Variants in FRMPD1 observed in about 807,000 individuals in gnomAD.
FRMPD1 encodes the protein FERM and PDZ domain containing 1.
Under a neutral mutation model 117.8 loss-of-function variants are expected in FRMPD1, and 76 were observed. The ratio of observed to expected loss-of-function variants is 0.65; its 90% CI spans 0.54 to 0.78. The LOEUF (loss-of-function observed/expected upper bound fraction) is 0.78. Ranked by LOEUF, FRMPD1 falls within the 30% of genes least tolerant of loss-of-function variation. The probability of loss-of-function intolerance (pLI) is 0.00; values close to 1 mark genes in which losing one functional copy is unlikely to be tolerated. For missense variants in FRMPD1, 1,786 were observed against 1,964.5 expected, an observed-to-expected ratio of 0.91 and a Z score of 1.72; for synonymous variants, 783 against 770.4, an observed-to-expected ratio of 1.02 and a Z score of -0.27.
chr9:37,652,885 A>G (rs1391051667), intron 1 of FRMPD1, among the ~76,000 whole-genome samples: 2 of 152,192 alleles, frequency 1.3e-5, no homozygotes, highest in Admixed American at 6.5e-5. Context: ...TCCTGTGAAC[A>G]CTAAGGAGGG....
At chr9:37,638,269 C>T in the FRMPD1 span, among the ~76,000 whole-genome samples, 2 of 152,000 alleles carry the variant, frequency 1.3e-5, no homozygotes, top group Non-Finnish European at 2.9e-5. Flanking sequence ...AGACAGGTTT[C>T]ACCATGTTGG....
At chr9:37,646,037 C>A (rs539054606), upstream of FRMPD1, among the ~76,000 whole-genome samples, 1 of 152,142 alleles carries the variant, frequency 6.6e-6, no homozygotes, top group African/African-American at 2.4e-5. Context: ...GGGTCTAGAA[C>A]GCTAGGGCAC....
intron 9 of FRMPD1, among the ~76,000 whole-genome samples, chr9:37,731,804 T>C (rs901809166): frequency 4.0e-5 from 6 of 151,104 alleles, no homozygotes; most frequent in Middle Eastern, 3.2e-3. Flanking sequence ...ACCTTGGAGG[T>C]GGTGTTTGCA....
intron 2 of FRMPD1, among the ~76,000 whole-genome samples, chr9:37,694,119 G>A (rs1822241508): frequency 6.6e-6 from 1 of 152,156 alleles, no homozygotes; most frequent in Admixed American, 6.5e-5. Flanking sequence ...GGTAGTGCCT[G>A]ATGAATGAAT....
At chr9:37,692,499 T>C (rs1822173788) in intron 1 of FRMPD1, 139 bp from the exon 2 acceptor site, 1 of 658,248 alleles carries the variant, frequency 1.5e-6, no homozygotes, top group Non-Finnish European at 2.7e-6. Flanking sequence ...TTTATGTTGA[T>C]TTTAGACTAA....
chr9:37,686,590 G>A (rs930948169), intron 1 of FRMPD1, among the ~76,000 whole-genome samples: 1 of 152,164 alleles, frequency 6.6e-6, no homozygotes. Context: ...GTTGATGTAG[G>A]CATTTGTTTA....
the FRMPD1 span, among the ~76,000 whole-genome samples, chr9:37,620,030 A>C: frequency 4.6e-5 from 7 of 152,102 alleles, no homozygotes; most frequent in Non-Finnish European, 7.4e-5. Context: ...GGCAGTTGGC[A>C]GCTGCATTCC....
the FRMPD1 span, among the ~76,000 whole-genome samples, chr9:37,640,405 T>A: frequency 2.0e-5 from 3 of 152,224 alleles, no homozygotes; most frequent in Non-Finnish European, 4.4e-5. Flanking sequence ...GGGCACAGAC[T>A]GAAATTCCCT....
At chr9:37,619,706 C>T in the FRMPD1 span, among the ~76,000 whole-genome samples, 4 of 150,354 alleles carry the variant, frequency 2.7e-5, no homozygotes, top group South Asian at 2.1e-4. Flanking sequence ...TGTGGTGAGC[C>T]GAGATTGTGC....
At chr9:37,676,708 C>T (rs922084376) in intron 1 of FRMPD1, among the ~76,000 whole-genome samples, 69 of 152,260 alleles carry the variant, frequency 4.5e-4, no homozygotes, top group African/African-American at 1.4e-3. Flanking sequence ...GATTGGCAGG[C>T]GGCATCTGGC....
At chr9:37,636,631 C>T in the FRMPD1 span, 1 of 1,287,502 alleles carries the variant, frequency 7.8e-7, no homozygotes. Context: ...CCTCCTGTCC[C>T]CTCCAGGGAC....
chr9:37,727,384 C>T (rs1200758056), intron 7 of FRMPD1, among the ~76,000 whole-genome samples: 3 of 152,074 alleles, frequency 2.0e-5, no homozygotes, highest in African/African-American at 7.2e-5. Flanking sequence ...ATGCGCATGG[C>T]TATATTCCCA....
chr9:37,616,055 G>T, the FRMPD1 span, among the ~76,000 whole-genome samples: 1 of 149,398 alleles, frequency 6.7e-6, no homozygotes, highest in Non-Finnish European at 1.5e-5. Context: ...GACCTCAAGT[G>T]ATCCACCCGC....
At chr9:37,631,514 AACTCTAAAGC>A in the FRMPD1 span, among the ~76,000 whole-genome samples, 1 of 152,248 alleles carries the variant, frequency 6.6e-6, no homozygotes, top group Admixed American at 6.5e-5. Flanking sequence ...CTTAGCAGTA[AACTCTAAAGC>A]GTTTCCAATG....
the FRMPD1 span, among the ~76,000 whole-genome samples, chr9:37,629,163 C>T: frequency 6.6e-6 from 1 of 152,002 alleles, no homozygotes; most frequent in East Asian, 1.9e-4. Flanking sequence ...TGTGCCATTG[C>T]ACTCCAGCCT....
intron 5 of FRMPD1, 148 bp downstream of exon 5, chr9:37,711,543 A>G: frequency 4.3e-6 from 3 of 699,592 alleles, no homozygotes; most frequent in Non-Finnish European, 7.8e-6. Flanking sequence ...CAGTCAGTCC[A>G]TGTTATCTGA....
At chr9:37,733,168 A>T (rs1823966412) in intron 10 of FRMPD1, among the ~76,000 whole-genome samples, 1 of 152,008 alleles carries the variant, frequency 6.6e-6, no homozygotes, top group Admixed American at 6.6e-5. Context: ...TGCTGTCATT[A>T]TTTGCCATGT....
chr9:37,663,927 A>G (rs1402255403), intron 1 of FRMPD1, among the ~76,000 whole-genome samples: 1 of 152,218 alleles, frequency 6.6e-6, no homozygotes, highest in Non-Finnish European at 1.5e-5. Context: ...TGTTCAGTAT[A>G]GACACAACCA....
intron 1 of FRMPD1, among the ~76,000 whole-genome samples, chr9:37,685,449 C>T (rs764085222): frequency 6.6e-6 from 1 of 151,920 alleles, no homozygotes; most frequent in African/African-American, 2.4e-5. Context: ...CGAGACTATC[C>T]TGGCTAACAC....
Sources: allele counts gnomAD v4.1 joint callset (sites outside exome capture counted in the v4.1 genomes callset), GRCh38; gene constraint gnomAD v4.1.1; transcripts MANE v1.5; gene names NCBI Gene and HGNC (gene_info 2026-07-23, HGNC 2026-07-21).